The following MCPH1 variants were observed in gnomAD, a reference collection of about 807,000 sequenced individuals.
The protein encoded by MCPH1 is microcephalin 1.
MCPH1 carries 104 observed loss-of-function variants against 84.5 expected under a neutral mutation model. The ratio of observed to expected loss-of-function variants is 1.23; its 90% CI spans 1.05 to 1.45. The LOEUF (loss-of-function observed/expected upper bound fraction) is 1.45. MCPH1 is among the 40% of genes most tolerant of loss of function. The pLI is 0.00. For synonymous variants in MCPH1, 514 were observed against 366.8 expected (o/e 1.40, Z -4.58); for missense variants, 1,498 against 1,005.7 (o/e 1.49, Z -6.62).
intron 11 of MCPH1, among the ~76,000 whole-genome samples, chr8:6,492,635 T>C: frequency 6.7e-6 from 1 of 148,546 alleles, no homozygotes; most frequent in East Asian, 1.9e-4. Context: ...ATAACAATTA[T>C]TTAATAATAT....
chr8:6,428,796 C>G (rs1414803839), intron 3 of MCPH1, among the ~76,000 whole-genome samples: 1 of 152,232 alleles, frequency 6.6e-6, no homozygotes, highest in Non-Finnish European at 1.5e-5. Context: ...CAAGGCTTAT[C>G]ATGAAAAACA....
At chr8:6,531,755 T>G (rs574399124) in intron 12 of MCPH1, among the ~76,000 whole-genome samples, 1 of 151,804 alleles carries the variant, frequency 6.6e-6, no homozygotes, top group African/African-American at 2.4e-5. Context: ...ATTTGGTTAG[T>G]GGCGGACCTG....
chr8:6,469,633 A>C (rs1230054551), intron 9 of MCPH1, among the ~76,000 whole-genome samples: 1 of 152,180 alleles, frequency 6.6e-6, no homozygotes, highest in Non-Finnish European at 1.5e-5. Context: ...ACTTATTCTT[A>C]AGGAAAATTA....
chr8:6,614,562 A>T (rs1830608578), intron 12 of MCPH1, among the ~76,000 whole-genome samples: 1 of 152,206 alleles, frequency 6.6e-6, no homozygotes, highest in African/African-American at 2.4e-5. Context: ...TTATCAGAGG[A>T]CATTAGCAAA....
chr8:6,478,027 T>C (rs2515591), intron 10 of MCPH1, among the ~76,000 whole-genome samples: 10,016 of 152,292 alleles, frequency 0.066, 446 homozygotes, highest in Non-Finnish European at 0.098. Context: ...GTGGAAGGGT[T>C]AATAGCTTGT....
At chr8:6,513,878 T>C in intron 12 of MCPH1, 3 of 1,569,486 alleles carry the variant, frequency 1.9e-6, no homozygotes, top group Non-Finnish European at 2.6e-6. Flanking sequence ...AATTATTTCA[T>C]GTAATTTTTT....
At chr8:6,492,938 C>A (rs535863113) in intron 11 of MCPH1, among the ~76,000 whole-genome samples, 155 of 152,114 alleles carry the variant, frequency 1.0e-3, no homozygotes, top group Non-Finnish European at 1.7e-3. Context: ...GAGGCTATGG[C>A]AGAGTCAAGT....
intron 12 of MCPH1, among the ~76,000 whole-genome samples, chr8:6,605,940 A>AC (rs1287154029): frequency 1.3e-5 from 2 of 151,452 alleles, no homozygotes; most frequent in South Asian, 2.1e-4. Flanking sequence ...CAAGTGATCT[A>AC]CCCCCCTTGG....
chr8:6,543,451 T>C (rs762230522), intron 12 of MCPH1, among the ~76,000 whole-genome samples: 4 of 152,154 alleles, frequency 2.6e-5, no homozygotes, highest in African/African-American at 4.8e-5. Context: ...CTGCAGCAAC[T>C]TGAGACTCCT....
chr8:6,509,011 G>C, intron 12 of MCPH1: 1 of 1,614,090 alleles, frequency 6.2e-7, no homozygotes, highest in Non-Finnish European at 8.5e-7. Context: ...TTCCTGGTTG[G>C]CTGATGCTGC....
chr8:6,646,822 G>A lies in MCPH1; in HGVS notation c.*3773G>A, dbSNP rs184440012. 1.6e-4 allele frequency: 25 copies of A among 152,216 alleles called. No homozygotes were observed. Among genetic ancestry groups the A allele is most frequent in the Admixed American group, 1.5e-3 (23 of 15,288 alleles). The allele number at this position is 152,216 out of a possible 1,614,324, so 9.4% of individuals were successfully genotyped here. On this transcript the variant is annotated 3_prime_UTR_variant, in exon 14 of 14. Transcript: ENST00000344683. ...CTGGAGAGCAAAACTGTTTCCAGTT[G>A]AGAACCATTGACCTAATGTAAAAAA...
chr8:6,566,720 G>T (rs534749091), intron 12 of MCPH1, among the ~76,000 whole-genome samples: 1 of 150,546 alleles, frequency 6.6e-6, no homozygotes, highest in Non-Finnish European at 1.5e-5. Flanking sequence ...GTGTGTGATC[G>T]GCAAGGCCAT....
intron 12 of MCPH1, among the ~76,000 whole-genome samples, chr8:6,515,521 GGGTTTA>G: frequency 6.6e-6 from 1 of 152,214 alleles, no homozygotes; most frequent in South Asian, 2.1e-4. Flanking sequence ...CTGGCTCTGT[GGGTTTA>G]AACTTTGTCC....
At chr8:6,559,240 C>CACACACAT (rs1380569826) in intron 12 of MCPH1, among the ~76,000 whole-genome samples, 13 of 151,608 alleles carry the variant, frequency 8.6e-5, no homozygotes, top group Non-Finnish European at 1.8e-4. Flanking sequence ...AACACACACA[C>CACACACAT]ACACACACAC....
At chr8:6,530,508 C>CAAAAA (rs55729820) in intron 12 of MCPH1, among the ~76,000 whole-genome samples, 4 of 98,044 alleles carry the variant, frequency 4.1e-5, no homozygotes, top group East Asian at 3.4e-4. Context: ...GACTCTGTCT[C>CAAAAA]AAAAAAAAAA....
chr8:6,617,535 G>A (rs1324763153), intron 12 of MCPH1, among the ~76,000 whole-genome samples: 1 of 151,962 alleles, frequency 6.6e-6, no homozygotes, highest in African/African-American at 2.4e-5. Context: ...AAAACAACAC[G>A]ATGCCACCGA....
intron 6 of MCPH1, among the ~76,000 whole-genome samples, chr8:6,440,865 G>A (rs1326454465): frequency 6.6e-6 from 1 of 152,142 alleles, no homozygotes; most frequent in Non-Finnish European, 1.5e-5. Flanking sequence ...TGTTACAATC[G>A]ATAGAATTGC....
At chr8:6,452,941 TC>T (rs1805254530) in intron 8 of MCPH1, among the ~76,000 whole-genome samples, 1 of 152,204 alleles carries the variant, frequency 6.6e-6, no homozygotes, top group Non-Finnish European at 1.5e-5. Context: ...AAAATAGATG[TC>T]CATTAGGTAG....
intron 12 of MCPH1, among the ~76,000 whole-genome samples, chr8:6,584,732 C>T (rs1320015975): frequency 6.6e-6 from 1 of 152,200 alleles, no homozygotes; most frequent in Non-Finnish European, 1.5e-5. Flanking sequence ...TAAAATGGGC[C>T]TGTCCTCCTT....
Sources: gnomAD v4.1 joint callset for allele counts (sites outside exome capture counted in the v4.1 genomes callset) on GRCh38, gnomAD v4.1.1 for gene constraint, MANE v1.5 for transcripts, NCBI Gene and HGNC (gene_info 2026-07-23, HGNC 2026-07-21) for gene names.